The following ST7 variants were observed in gnomAD, a reference collection of about 807,000 sequenced individuals.
ST7 encodes suppression of tumorigenicity 7.
In ST7, 28 loss-of-function variants were observed where a neutral mutation model predicts 78.7. The ratio of observed to expected loss-of-function variants is 0.36; its 90% CI spans 0.26 to 0.49. ST7 has a LOEUF of 0.49. ST7 is among the 20% of genes least tolerant of loss of function. ST7 has a pLI of 0.99. For missense variants in ST7, 418 were observed against 696.0 expected, an observed-to-expected ratio of 0.60 and a Z score of 4.49; for synonymous variants, 247 against 249.6, an observed-to-expected ratio of 0.99 and a Z score of 0.10.
chr7:116,955,612 T>C (rs963482897), intron 1 of ST7, among the ~76,000 whole-genome samples: 3 of 152,244 alleles, frequency 2.0e-5, no homozygotes, highest in African/African-American at 7.2e-5. Flanking sequence ...TTTCTCCTTA[T>C]TACACACTTA....
chr7:117,027,473 T>TAAAGTAAAGTAAAGTAA (rs1796259025), intron 1 of ST7, among the ~76,000 whole-genome samples: 1 of 138,130 alleles, frequency 7.2e-6, no homozygotes, highest in African/African-American at 3.4e-5. Flanking sequence ...AAAAGTAAAG[T>TAAAGTAAAGTAAAGTAA]AAAGTAAAGT....
intron 15 of ST7, among the ~76,000 whole-genome samples, chr7:117,224,528 A>G (rs1314695337): frequency 6.6e-6 from 1 of 152,228 alleles, no homozygotes; most frequent in African/African-American, 2.4e-5. Flanking sequence ...ACATTAAACA[A>G]TTATTGCTCT....
intron 2 of ST7, among the ~76,000 whole-genome samples, chr7:117,114,000 G>C (rs1220594862): frequency 6.6e-6 from 1 of 152,160 alleles, no homozygotes; most frequent in Non-Finnish European, 1.5e-5. Context: ...TGGACCATTG[G>C]CTGTTGACCT....
intron 1 of ST7, among the ~76,000 whole-genome samples, chr7:117,024,453 T>G (rs1317494085): frequency 6.6e-6 from 1 of 152,168 alleles, no homozygotes; most frequent in East Asian, 1.9e-4. Context: ...AGTACTGTGG[T>G]GGGAATTGTG....
intron 1 of ST7, 167 bp downstream of exon 1, chr7:116,953,858 C>G (rs865974093): frequency 3.7e-6 from 1 of 272,154 alleles, no homozygotes; most frequent in Admixed American, 6.7e-5. Context: ...GGCGGCGGGG[C>G]CGGGCAGCTG....
chr7:117,163,898 C>T (rs1327911612), intron 9 of ST7, among the ~76,000 whole-genome samples: 1 of 152,082 alleles, frequency 6.6e-6, no homozygotes. Flanking sequence ...CCTATGTTTT[C>T]TTCTAGTAGT....
At chr7:117,008,877 CT>C (rs980937299) in intron 1 of ST7, among the ~76,000 whole-genome samples, 2 of 151,562 alleles carry the variant, frequency 1.3e-5, no homozygotes, top group South Asian at 2.1e-4. Flanking sequence ...TATAAGCTAA[CT>C]TTTTTTTTAA....
At position 117,099,949 on chromosome 7, in the gene ST7, A is replaced by G. The variant is rs1437329546; in HGVS notation, c.234+105A>G. On this transcript the variant is annotated intron_variant, in intron 2 of 15. Transcript: ENST00000323984. ...GGAAGAATATACACTAACAGGTTAC[A>G]GTGATTATCTTGCACATGTATATAT... The G allele has an allele frequency of 3.7e-6, 3 of 808,262 alleles. No homozygotes were observed. The Admixed American group carries it at 9.5e-5, about 26-fold the overall frequency. 50.1% of individuals were successfully genotyped at this position (808,262 alleles called of 1,614,324 possible).
At chr7:116,992,117 G>A (rs1470562556) in intron 1 of ST7, among the ~76,000 whole-genome samples, 2 of 152,202 alleles carry the variant, frequency 1.3e-5, no homozygotes, top group Non-Finnish European at 2.9e-5. Context: ...AGTGTCTGTG[G>A]CTGTTCCAGG....
At chr7:117,048,278 A>G (rs1359912572) in intron 1 of ST7, among the ~76,000 whole-genome samples, 2 of 152,162 alleles carry the variant, frequency 1.3e-5, no homozygotes, top group African/African-American at 2.4e-5. Flanking sequence ...AAAATACATC[A>G]TAATTTCTGT....
At chr7:116,961,558 G>A (rs1216654121) in intron 1 of ST7, among the ~76,000 whole-genome samples, 3 of 28,018 alleles carry the variant, frequency 1.1e-4, no homozygotes, top group African/African-American at 4.4e-4. Flanking sequence ...ATTCCTACGT[G>A]TGTGTGTGTG....
intron 1 of ST7, among the ~76,000 whole-genome samples, chr7:116,994,126 A>G (rs185699597): frequency 8.1e-4 from 123 of 152,258 alleles, no homozygotes; most frequent in African/African-American, 2.7e-3. Flanking sequence ...CATTTTCACC[A>G]ACTGAAACGT....
At chr7:117,115,382 T>A (rs2116912692) in intron 2 of ST7, among the ~76,000 whole-genome samples, 2 of 147,382 alleles carry the variant, frequency 1.4e-5, no homozygotes, top group East Asian at 4.0e-4. Context: ...TGAGACACAG[T>A]CTAACTCTGT....
chr7:117,128,852 T>C (rs552552957), intron 3 of ST7, among the ~76,000 whole-genome samples: 2 of 151,956 alleles, frequency 1.3e-5, no homozygotes, highest in South Asian at 2.1e-4. Flanking sequence ...AATTGCTCAC[T>C]TTTTTGTACA....
chr7:117,006,935 A>G (rs1795181986), intron 1 of ST7, among the ~76,000 whole-genome samples: 1 of 152,196 alleles, frequency 6.6e-6, no homozygotes, highest in African/African-American at 2.4e-5. Flanking sequence ...CTTAATTGAT[A>G]AGTGTGTGTG....
At chr7:117,165,097 T>C (rs1807442677) in intron 9 of ST7, among the ~76,000 whole-genome samples, 1 of 152,158 alleles carries the variant, frequency 6.6e-6, no homozygotes, top group Non-Finnish European at 1.5e-5. Context: ...ATTCTGGGAA[T>C]GGCGTGTAAT....
At chr7:117,222,861 A>G in intron 15 of ST7, 1 of 1,613,252 alleles carries the variant, frequency 6.2e-7, no homozygotes, top group Non-Finnish European at 8.5e-7. Flanking sequence ...CCCTTTCCAG[A>G]TGATTGACAT....
intron 5 of ST7, 34 bp downstream of exon 5, chr7:117,130,640 G>T (rs1804270595): frequency 6.5e-7 from 1 of 1,535,840 alleles, no homozygotes; most frequent in East Asian, 2.3e-5. Flanking sequence ...CTGAATGGGA[G>T]GGCTTTTTGG....
chr7:117,150,628 G>A lies in ST7; in HGVS notation c.963+12096G>A, dbSNP rs146841203. Among the ~76,000 whole-genome samples the A allele has an allele frequency of 6.6e-5, 10 of 152,178 alleles. No individual in the cohort carries two copies. In the East Asian group the frequency reaches 1.9e-3, roughly 29 times the overall value. On this transcript the variant is annotated intron_variant, in intron 9 of 15. Coordinates refer to ENST00000323984, the MANE Select transcript of ST7 (RefSeq NM_001369598.1). ...GCTGGAGGGCTGCAGCCTCTGCCTG[G>A]GCCTCCATTCTTCCCTGTGACACTC...
Sources: allele counts gnomAD v4.1 joint callset (sites outside exome capture counted in the v4.1 genomes callset), GRCh38; gene constraint gnomAD v4.1.1; transcripts MANE v1.5; gene names NCBI Gene and HGNC (gene_info 2026-07-23, HGNC 2026-07-21).